The following FAM149B1 variants were observed in gnomAD, a reference collection of about 807,000 sequenced individuals.
The protein encoded by FAM149B1 is primary cilium assembly protein FAM149B1.
FAM149B1 carries 56 observed loss-of-function variants against 75.3 expected under a neutral mutation model. The ratio of observed to expected loss-of-function variants is 0.74; its 90% CI spans 0.60 to 0.93. FAM149B1 has a LOEUF of 0.93. FAM149B1 is among the 40% of genes least tolerant of loss of function. The probability of loss-of-function intolerance (pLI) is 0.00; values close to 1 mark genes in which losing one functional copy is unlikely to be tolerated. For missense variants in FAM149B1, 639 were observed against 708.4 expected, an observed-to-expected ratio of 0.90 and a Z score of 1.11; for synonymous variants, 259 against 256.1, an observed-to-expected ratio of 1.01 and a Z score of -0.11.
At chr10:73,230,592 T>C (rs2043667927) in intron 9 of FAM149B1, 67 bp downstream of exon 9, 1 of 901,884 alleles carries the variant, frequency 1.1e-6, no homozygotes, top group South Asian at 1.4e-5. Flanking sequence ...AAAATCAGTT[T>C]ATCAGTATGC....
intron 1 of FAM149B1, among the ~76,000 whole-genome samples, chr10:73,170,729 CT>C (rs1843677405): frequency 6.6e-6 from 1 of 151,894 alleles, no homozygotes; most frequent in Non-Finnish European, 1.5e-5. Flanking sequence ...CTAGTAAACT[CT>C]TTGGGAACTA....
chr10:73,171,463 A>G (rs770437111), intron 1 of FAM149B1, among the ~76,000 whole-genome samples: 1 of 152,158 alleles, frequency 6.6e-6, no homozygotes, highest in Non-Finnish European at 1.5e-5. Context: ...ATTGTTGAAA[A>G]GAGTATGGGA....
chr10:73,198,191 A>C (rs1242479111), intron 5 of FAM149B1, among the ~76,000 whole-genome samples: 1 of 152,252 alleles, frequency 6.6e-6, no homozygotes, highest in African/African-American at 2.4e-5. Flanking sequence ...CTTATACCAT[A>C]TACAAAAATT....
At chr10:73,172,216 G>C (rs940834324) in intron 1 of FAM149B1, among the ~76,000 whole-genome samples, 1 of 152,062 alleles carries the variant, frequency 6.6e-6, no homozygotes, top group Non-Finnish European at 1.5e-5. Flanking sequence ...CTTGGTTGTA[G>C]GACCACTGAA....
At chr10:73,172,519 C>T (rs12244562) in intron 1 of FAM149B1, among the ~76,000 whole-genome samples, 15,535 of 152,162 alleles carry the variant, frequency 0.1, 1,164 homozygotes, top group East Asian at 0.3. Flanking sequence ...TTATGATAAA[C>T]ATTTGCATAT....
intron 7 of FAM149B1, among the ~76,000 whole-genome samples, chr10:73,224,382 C>A (rs2043486169): frequency 6.6e-6 from 1 of 152,008 alleles, no homozygotes; most frequent in African/African-American, 2.4e-5. Context: ...ACATCAGAAA[C>A]TACCCACATG....
intron 3 of FAM149B1, among the ~76,000 whole-genome samples, chr10:73,191,121 A>G (rs966284812): frequency 6.6e-6 from 1 of 150,520 alleles, no homozygotes; most frequent in Non-Finnish European, 1.5e-5. Context: ...GCTCACCACA[A>G]CCTCCGCCTC....
intron 9 of FAM149B1, 39 bp downstream of exon 9, chr10:73,230,564 G>C: frequency 8.8e-7 from 1 of 1,130,984 alleles, no homozygotes; most frequent in South Asian, 1.3e-5. Context: ...CAGTGTAAAA[G>C]GGAAACAGAG....
intron 2 of FAM149B1, among the ~76,000 whole-genome samples, chr10:73,177,045 A>G (rs1025353267): frequency 4.0e-5 from 6 of 151,804 alleles, no homozygotes; most frequent in Non-Finnish European, 7.4e-5. Context: ...AAACAAAAGT[A>G]CAAACAAAAT....
chr10:73,204,628 CCTAGG>C (rs2043009308), intron 5 of FAM149B1, among the ~76,000 whole-genome samples: 1 of 151,930 alleles, frequency 6.6e-6, no homozygotes, highest in South Asian at 2.1e-4. Flanking sequence ...TTACTGAATG[CCTAGG>C]AAGGAAGAGA....
chr10:73,208,347 G>C (rs1213336138), intron 5 of FAM149B1, among the ~76,000 whole-genome samples: 2 of 152,170 alleles, frequency 1.3e-5, no homozygotes, highest in Non-Finnish European at 2.9e-5. Flanking sequence ...TTTATAGCAA[G>C]GCAAGGATGA....
At chr10:73,240,294 A>G (rs757646768) in intron 13 of FAM149B1, among the ~76,000 whole-genome samples, 2 of 152,194 alleles carry the variant, frequency 1.3e-5, no homozygotes, top group Non-Finnish European at 1.5e-5. Context: ...GCCTCAAACC[A>G]TCTTTGTAGT....
chr10:73,233,042 T>G lies in FAM149B1; in HGVS notation c.1231T>G (p.Tyr411Asp). Reference protein sequence around the residue: ...AVEFSTSSLSYTVQSTRRRNP... With the variant: ...AVEFSTSSLSDTVQSTRRRNP... ...GGAGTTTAGTACATCATCTCTGTCA[T>G]ACACAGTGCAGTCCACCAGGAGACG... Residue 411 changes from tyrosine (Y) to aspartate (D), a missense_variant, in exon 10 of 14, where the codon TAC becomes GAC. Physicochemically the swap from Tyr to Asp is radical, Grantham distance 160. Transcript: ENST00000242505. 1 of 1,551,732 alleles carries G rather than the reference T, an allele frequency of 6.4e-7. No homozygotes were observed.
intron 7 of FAM149B1, among the ~76,000 whole-genome samples, chr10:73,213,314 GA>G (rs1176519497): frequency 6.6e-6 from 1 of 152,146 alleles, no homozygotes; most frequent in Admixed American, 6.5e-5. Flanking sequence ...TTGCTATGCA[GA>G]AGCTTTTTAG....
chr10:73,222,315 G>A (rs2043436333), intron 7 of FAM149B1, among the ~76,000 whole-genome samples: 1 of 152,190 alleles, frequency 6.6e-6, no homozygotes, highest in African/African-American at 2.4e-5. Context: ...ATGGAGGCAA[G>A]ATCTTATTCT....
At chr10:73,175,717 C>G (rs773741400) in intron 2 of FAM149B1, among the ~76,000 whole-genome samples, 4 of 148,890 alleles carry the variant, frequency 2.7e-5, no homozygotes, top group Non-Finnish European at 6.0e-5. Context: ...AAATAAATAT[C>G]AGAAAGAGCA....
intron 5 of FAM149B1, among the ~76,000 whole-genome samples, chr10:73,207,369 G>A (rs2043089794): frequency 6.6e-6 from 1 of 152,034 alleles, no homozygotes; most frequent in African/African-American, 2.4e-5. Flanking sequence ...TTCGAGACCA[G>A]CCTGGCCAAC....
Position 73,177,187 on chromosome 10 carries a change from G to A in FAM149B1, c.153-659G>A, listed in dbSNP as rs571241424. Reference sequence around the variant, plus strand: ...CCACTGCATTCCAGCCTGGGTGACAGAGCGAGACCCCATCTCAAAAAATAA... The same window carrying A: ...CCACTGCATTCCAGCCTGGGTGACAAAGCGAGACCCCATCTCAAAAAATAA... On this transcript the variant is annotated intron_variant, in intron 2 of 13. Transcript: ENST00000242505. Among the ~76,000 whole-genome samples, 26 of 152,148 alleles carry A rather than the reference G, an allele frequency of 1.7e-4. No homozygotes were observed. In the East Asian group the frequency reaches 4.5e-3, roughly 26 times the overall value.
chr10:73,244,069 G>A lies in FAM149B1; in HGVS notation c.*3050G>A, dbSNP rs1589204619. Reference sequence around the variant, plus strand: ...AAAATGAATCGAATTACATAACTATGTCATTCATTAAATGGCAACAATGCT... The same window carrying A: ...AAAATGAATCGAATTACATAACTATATCATTCATTAAATGGCAACAATGCT... On this transcript the variant is annotated 3_prime_UTR_variant, in exon 14 of 14. Transcript: ENST00000242505. 1 of 652,322 alleles carries A rather than the reference G, an allele frequency of 1.5e-6. No homozygotes were observed. The highest frequency in any genetic ancestry group is 2.9e-5 in the East Asian group (1 of 33,982). The allele number at this position is 652,322 out of a possible 1,614,324, so 40.4% of individuals were successfully genotyped here. A position where few individuals can be genotyped will look rare whatever the true frequency, so the allele number is the denominator to read the frequency against.
Sources: gnomAD v4.1 joint callset for allele counts (sites outside exome capture counted in the v4.1 genomes callset) on GRCh38, gnomAD v4.1.1 for gene constraint, MANE v1.5 for transcripts, NCBI Gene and HGNC (gene_info 2026-07-23, HGNC 2026-07-21) for gene names.